Variants in STXBP5L observed in about 807,000 individuals in gnomAD.
STXBP5L encodes the protein syntaxin-binding protein 5-like.
STXBP5L carries 65 observed loss-of-function variants against 144.5 expected under a neutral mutation model. That is an observed-to-expected ratio of 0.45 (90% CI 0.37 to 0.55). The LOEUF is 0.55. Ranked by LOEUF, STXBP5L falls within the 20% of genes least tolerant of loss-of-function variation. The pLI is 0.00. For missense variants in STXBP5L, 1,298 were observed against 1,405.5 expected (o/e 0.92, Z 1.22); for synonymous variants, 505 against 469.6 (o/e 1.08, Z -0.97).
chr3:121,087,261 A>G (rs1197732427), intron 5 of STXBP5L, among the ~76,000 whole-genome samples: 3 of 152,068 alleles, frequency 2.0e-5, no homozygotes, highest in Non-Finnish European at 4.4e-5. Context: ...TTGTTCTAAT[A>G]ATTGCTGAGA....
chr3:121,150,358 T>C (rs2045889482), intron 7 of STXBP5L, among the ~76,000 whole-genome samples: 1 of 152,098 alleles, frequency 6.6e-6, no homozygotes, highest in Non-Finnish European at 1.5e-5. Context: ...TGGTCAAATA[T>C]TGCAGAGTGC....
At chr3:121,286,212 C>T (rs1046378389) in intron 19 of STXBP5L, among the ~76,000 whole-genome samples, 3 of 151,888 alleles carry the variant, frequency 2.0e-5, no homozygotes, top group Non-Finnish European at 4.4e-5. Context: ...GGTATGATAA[C>T]AGATCCTAAA....
At chr3:121,026,140 A>G (rs1294384980) in intron 3 of STXBP5L, among the ~76,000 whole-genome samples, 3 of 151,240 alleles carry the variant, frequency 2.0e-5, no homozygotes, top group African/African-American at 7.3e-5. Flanking sequence ...ATTCAAATGT[A>G]TCACCTTGAT....
At chr3:121,178,097 G>A (rs139471353) in intron 9 of STXBP5L, among the ~76,000 whole-genome samples, 1 of 152,238 alleles carries the variant, frequency 6.6e-6, no homozygotes, top group Admixed American at 6.6e-5. Flanking sequence ...GCAAAAAGGA[G>A]AATGGTGGTT....
intron 3 of STXBP5L, 114 bp from the exon 4 acceptor site, chr3:121,041,586 T>C: frequency 4.1e-6 from 3 of 738,348 alleles, no homozygotes; most frequent in Non-Finnish European, 6.8e-6. Context: ...CAACTATTTA[T>C]AAAAATAAGG....
At chr3:121,373,421 T>C (rs1316177679) in intron 20 of STXBP5L, among the ~76,000 whole-genome samples, 1 of 152,214 alleles carries the variant, frequency 6.6e-6, no homozygotes, top group Non-Finnish European at 1.5e-5. Context: ...TGCTGGGACC[T>C]CTGGGACCCA....
intron 3 of STXBP5L, among the ~76,000 whole-genome samples, chr3:121,006,495 A>C (rs980706339): frequency 2.0e-5 from 3 of 151,568 alleles, no homozygotes; most frequent in Non-Finnish European, 4.4e-5. Flanking sequence ...ATGGATCTTG[A>C]CTCTATCCAC....
chr3:121,420,278 C>T lies in STXBP5L; in HGVS notation c.*1181C>T, dbSNP rs1032534415. The stretch of plus-strand genomic sequence containing the variant: ...TGATACTTACCACTGGAAATTGGTT[C>T]GATACTTACCACTGGAAATCTTTAT... On this transcript the variant is annotated 3_prime_UTR_variant, in exon 27 of 27. Transcript: ENST00000471454. 2.6e-5 allele frequency: 4 copies of T among 152,204 alleles called. No individual in the cohort carries two copies. The highest frequency in any genetic ancestry group is 2.1e-4 in the South Asian group (1 of 4,818). The allele number at this position is 152,204 out of a possible 1,614,324, so 9.4% of individuals were successfully genotyped here.
chr3:121,197,166 A>C (rs939984219), intron 9 of STXBP5L, among the ~76,000 whole-genome samples: 9 of 152,172 alleles, frequency 5.9e-5, no homozygotes, highest in Non-Finnish European at 1.3e-4. Context: ...TAGTATAGCC[A>C]CTGAAGATTC....
intron 20 of STXBP5L, among the ~76,000 whole-genome samples, chr3:121,348,278 G>A (rs2045095080): frequency 6.6e-6 from 1 of 152,124 alleles, no homozygotes; most frequent in South Asian, 2.1e-4. Context: ...TGCATATGTT[G>A]AACCAGCCTT....
At chr3:121,090,359 A>T (rs905208599) in intron 5 of STXBP5L, among the ~76,000 whole-genome samples, 4 of 152,126 alleles carry the variant, frequency 2.6e-5, no homozygotes, top group African/African-American at 9.7e-5. Context: ...GCTCTCCACT[A>T]TGCCTCCTCT....
chr3:121,009,238 G>A (rs1559994745), intron 3 of STXBP5L, among the ~76,000 whole-genome samples: 2 of 151,868 alleles, frequency 1.3e-5, no homozygotes, highest in African/African-American at 4.8e-5. Flanking sequence ...ACTATGTTAG[G>A]CATTGACATA....
At chr3:121,207,427 G>A (rs2048381023) in intron 10 of STXBP5L, among the ~76,000 whole-genome samples, 1 of 152,254 alleles carries the variant, frequency 6.6e-6, no homozygotes. Context: ...CGTGGGCAAG[G>A]ACTTCATGTC....
chr3:121,418,985 A>C, intron 26 of STXBP5L, 71 bp from the exon 27 acceptor site: 1 of 1,504,830 alleles, frequency 6.6e-7, no homozygotes, highest in Admixed American at 2.1e-5. Flanking sequence ...TGATTAGCTC[A>C]AAATGGCCTT....
At chr3:121,250,105 A>G (rs1388112427) in intron 14 of STXBP5L, among the ~76,000 whole-genome samples, 1 of 151,984 alleles carries the variant, frequency 6.6e-6, no homozygotes, top group Non-Finnish European at 1.5e-5. Context: ...TATTTTGTTG[A>G]CAATTTTTAT....
intron 2 of STXBP5L, among the ~76,000 whole-genome samples, chr3:120,939,133 A>G (rs1710423133): frequency 6.6e-6 from 1 of 152,058 alleles, no homozygotes; most frequent in African/African-American, 2.4e-5. Context: ...CATACCACCC[A>G]TCTCATGGGG....
intron 19 of STXBP5L, among the ~76,000 whole-genome samples, chr3:121,300,742 C>A (rs2051862041): frequency 6.6e-6 from 1 of 151,604 alleles, no homozygotes; most frequent in Admixed American, 6.6e-5. Flanking sequence ...AAAAAAAGAA[C>A]TGAGGGGACA....
chr3:121,207,926 G>A (rs1167528249), intron 10 of STXBP5L, among the ~76,000 whole-genome samples: 7 of 152,240 alleles, frequency 4.6e-5, no homozygotes, highest in Admixed American at 1.3e-4. Context: ...ACAGTGTGGC[G>A]ATTCCTCAGG....
chr3:121,184,363 A>C (rs1387046346), intron 9 of STXBP5L, among the ~76,000 whole-genome samples: 1 of 151,860 alleles, frequency 6.6e-6, no homozygotes, highest in African/African-American at 2.4e-5. Context: ...TTTAGAGAAG[A>C]ACATACATGG....
Sources: allele counts gnomAD v4.1 joint callset (sites outside exome capture counted in the v4.1 genomes callset), GRCh38; gene constraint gnomAD v4.1.1; transcripts MANE v1.5; gene names NCBI Gene and HGNC (gene_info 2026-07-23, HGNC 2026-07-21).